TRAK1: variants seen among roughly 807,000 people sequenced by gnomAD.
TRAK1 encodes the protein trafficking kinesin-binding protein 1.
In TRAK1, 33 loss-of-function variants were observed where a neutral mutation model predicts 92.1. That is an observed-to-expected ratio of 0.36 (90% CI 0.27 to 0.48). The LOEUF (loss-of-function observed/expected upper bound fraction) is 0.48. Among genes scored for constraint, TRAK1 ranks in the 20% least tolerant of loss-of-function variants. The pLI is 0.99. For synonymous variants in TRAK1, 521 were observed against 517.3 expected (o/e 1.01, Z -0.10); for missense variants, 1,123 against 1,257.9 (o/e 0.89, Z 1.62).
In TRAK1 at chr3:42,076,206, G is replaced by T. The variant is rs560793104; in HGVS notation, c.-518-10898G>T. Among the ~76,000 whole-genome samples, 5 of 133,906 alleles carry T rather than the reference G, an allele frequency of 3.7e-5. No homozygotes were observed. In the South Asian group the frequency reaches 7.8e-4, roughly 21 times the overall value. The allele number at this position is 133,906 out of a possible 152,430, so 87.8% of individuals were successfully genotyped here. A position where few individuals can be genotyped will look rare whatever the true frequency, so the allele number is the denominator to read the frequency against. On this transcript the variant is annotated intron_variant, in intron 1 of 16. Transcript: ENST00000487159. ...TTGTTTAAGTTCCTCATAGATTTGG[G>T]ATATTAGACCTTTTTTTTTTTTTTT... is the stretch of plus-strand genomic sequence containing the variant.
chr3:42,079,211 A>G (rs1704308350), intron 1 of TRAK1, among the ~76,000 whole-genome samples: 1 of 152,248 alleles, frequency 6.6e-6, no homozygotes, highest in Non-Finnish European at 1.5e-5. Flanking sequence ...GAACACTGAC[A>G]TAATCCCGGA....
chr3:42,047,502 C>T (rs1271198347), intron 1 of TRAK1, among the ~76,000 whole-genome samples: 1 of 152,008 alleles, frequency 6.6e-6, no homozygotes, highest in Non-Finnish European at 1.5e-5. Context: ...CACATCTGGC[C>T]ATAAAAGCTG....
At chr3:42,122,328 A>C (rs527544214) in intron 1 of TRAK1, among the ~76,000 whole-genome samples, 4 of 150,888 alleles carry the variant, frequency 2.7e-5, no homozygotes, top group African/African-American at 7.3e-5. Flanking sequence ...TTATTCTGAG[A>C]TTTCTTAGAA....
intron 1 of TRAK1, among the ~76,000 whole-genome samples, chr3:42,114,004 C>G (rs907553268): frequency 6.6e-6 from 1 of 152,186 alleles, no homozygotes; most frequent in Admixed American, 6.5e-5. Flanking sequence ...TTCCCTTAGC[C>G]TCTGCCAGCC....
chr3:42,115,228 A>C (rs1374618736), intron 1 of TRAK1, among the ~76,000 whole-genome samples: 1 of 152,198 alleles, frequency 6.6e-6, no homozygotes, highest in Non-Finnish European at 1.5e-5. Context: ...TATTAGAATC[A>C]ATCTAACACT....
At chr3:42,159,988 TG>T (rs1559851618) in intron 2 of TRAK1, among the ~76,000 whole-genome samples, 1 of 152,174 alleles carries the variant, frequency 6.6e-6, no homozygotes, top group African/African-American at 2.4e-5. Context: ...TCATTGCTGC[TG>T]GGGGAGGAAA....
At chr3:42,059,906 A>G (rs1703355508) in intron 1 of TRAK1, among the ~76,000 whole-genome samples, 2 of 151,940 alleles carry the variant, frequency 1.3e-5, no homozygotes, top group Non-Finnish European at 2.9e-5. Context: ...ATATAAAGTA[A>G]TATACTTAGT....
At chr3:42,132,259 T>C (rs1181987030) in intron 2 of TRAK1, among the ~76,000 whole-genome samples, 1 of 145,674 alleles carries the variant, frequency 6.9e-6, no homozygotes. Context: ...TTTTTTTTTG[T>C]TTGGTGTATT....
intron 1 of TRAK1, among the ~76,000 whole-genome samples, chr3:42,076,053 A>C (rs1704141418): frequency 6.6e-6 from 1 of 151,798 alleles, no homozygotes; most frequent in Non-Finnish European, 1.5e-5. Flanking sequence ...GATGTTGGCT[A>C]GGCTGGTCTC....
chr3:42,077,773 G>A (rs1021430106), intron 1 of TRAK1, among the ~76,000 whole-genome samples: 6 of 152,200 alleles, frequency 3.9e-5, no homozygotes, highest in Non-Finnish European at 7.3e-5. Context: ...GTATAGAAAT[G>A]ATACTGATTT....
intron 1 of TRAK1, among the ~76,000 whole-genome samples, chr3:42,016,594 C>A (rs1424739444): frequency 1.3e-5 from 2 of 152,200 alleles, no homozygotes; most frequent in African/African-American, 4.8e-5. Context: ...ACCATCTGGG[C>A]TCTCCATCTT....
At position 42,210,273 on chromosome 3, in the gene TRAK1, C is replaced by T. The variant is rs1165278986; in HGVS notation, c.1963+288C>T. 2.0e-6 allele frequency: 3 copies of T among 1,520,518 alleles called. No individual in the cohort carries two copies. The African/African-American group carries it at 4.2e-5, about 21-fold the overall frequency. 94.2% of individuals were successfully genotyped at this position (1,520,518 alleles called of 1,614,324 possible). A position where few individuals can be genotyped will look rare whatever the true frequency, so the allele number is the denominator to read the frequency against. ...GTGTGGGTGATGATTAAAGCATTCT[C>T]ATTGCACAGTTCTGTTTTTAAATAC... On this transcript the variant is annotated intron_variant, in intron 14 of 15. Coordinates refer to ENST00000327628, the MANE Select transcript of TRAK1 (RefSeq NM_001042646.3).
intron 14 of TRAK1, chr3:42,217,383 A>G (rs1709840231): frequency 4.1e-6 from 4 of 985,396 alleles, no homozygotes; most frequent in Non-Finnish European, 4.8e-6. Context: ...TTGGTCTTCT[A>G]CGGCTATTCA....
chr3:42,099,749 GACCATTCAGGTTGTCAT>G (rs1706468273), intron 1 of TRAK1, among the ~76,000 whole-genome samples: 2 of 152,286 alleles, frequency 1.3e-5, no homozygotes, highest in South Asian at 4.1e-4. Context: ...CCTGACCGTA[GACCATTCAGGTTGTCAT>G]ACCTTCAGGT....
chr3:42,219,651 C>G, intron 15 of TRAK1, 55 bp downstream of exon 15: 1 of 1,592,196 alleles, frequency 6.3e-7, no homozygotes, highest in Admixed American at 1.7e-5. Context: ...AGGGCACTCC[C>G]TTCCCTGCAA....
intron 1 of TRAK1, among the ~76,000 whole-genome samples, chr3:42,057,708 CAAGCAG>C (rs1703255684): frequency 6.6e-6 from 1 of 152,004 alleles, no homozygotes; most frequent in Admixed American, 6.6e-5. Context: ...TGTGTGTGGC[CAAGCAG>C]AAAGGGAGCA....
chr3:42,160,415 G>A, intron 2 of TRAK1: 3 of 1,614,244 alleles, frequency 1.9e-6, no homozygotes, highest in Non-Finnish European at 2.5e-6. Flanking sequence ...ACGACTGCCA[G>A]GATGAAGAGA....
At chr3:42,199,047 G>T in intron 10 of TRAK1, 130 bp from the exon 11 acceptor site, 1 of 863,194 alleles carries the variant, frequency 1.2e-6, no homozygotes, top group Non-Finnish European at 1.8e-6. Context: ...TTAAGTTTGT[G>T]TTGTGGGAAG....
At chr3:42,130,335 A>G (rs903428855) in intron 2 of TRAK1, among the ~76,000 whole-genome samples, 1 of 151,364 alleles carries the variant, frequency 6.6e-6, no homozygotes, top group Non-Finnish European at 1.5e-5. Flanking sequence ...AAAAAAATCC[A>G]TATCTCACCT....
Sources: allele counts gnomAD v4.1 joint callset (sites outside exome capture counted in the v4.1 genomes callset), GRCh38; gene constraint gnomAD v4.1.1; transcripts MANE v1.5; gene names NCBI Gene and HGNC (gene_info 2026-07-23, HGNC 2026-07-21).